The following NOX3 variants were observed in gnomAD, a reference collection of about 807,000 sequenced individuals.
NOX3 encodes NADPH oxidase 3.
NOX3 carries 74 observed loss-of-function variants against 76.7 expected under a neutral mutation model. The observed-to-expected ratio is 0.96, with a 90% confidence interval of 0.80 to 1.17. NOX3 has a LOEUF of 1.17. NOX3 is among the 50% of genes most tolerant of loss of function. The probability of loss-of-function intolerance (pLI) is 0.00; values close to 1 mark genes in which losing one functional copy is unlikely to be tolerated. For synonymous variants in NOX3, 263 were observed against 261.1 expected, an observed-to-expected ratio of 1.01 and a Z score of -0.07; for missense variants, 695 against 703.3, an observed-to-expected ratio of 0.99 and a Z score of 0.13.
At chr6:155,443,182 T>C (rs1582946004) in intron 5 of NOX3, 91 bp downstream of exon 5, 1 of 1,275,350 alleles carries the variant, frequency 7.8e-7, no homozygotes, top group East Asian at 2.7e-5. Flanking sequence ...AGCTCTTTTA[T>C]TAAAAGCTTT....
chr6:155,425,054 T>A (rs188794860), intron 9 of NOX3, among the ~76,000 whole-genome samples: 1 of 152,364 alleles, frequency 6.6e-6, no homozygotes, highest in East Asian at 1.9e-4. Context: ...GAGATGCTCA[T>A]ATACCTATGT....
chr6:155,411,424 C>T, intron 10 of NOX3, 64 bp from the exon 11 acceptor site: 2 of 1,435,166 alleles, frequency 1.4e-6, no homozygotes, highest in Non-Finnish European at 1.9e-6. Context: ...TAATCACAGA[C>T]TACTTTATCT....
chr6:155,397,006 CA>C, intron 12 of NOX3, 44 bp from the exon 13 acceptor site: 1 of 1,559,324 alleles, frequency 6.4e-7, no homozygotes, highest in South Asian at 1.2e-5. Context: ...CACCAGGAGG[CA>C]AGGCCAGCCA....
intron 4 of NOX3, among the ~76,000 whole-genome samples, chr6:155,449,929 A>G (rs2114709725): frequency 6.6e-6 from 1 of 152,368 alleles, no homozygotes; most frequent in East Asian, 1.9e-4. Flanking sequence ...TTTGCATGAA[A>G]CCAAGGCTTA....
chr6:155,431,839 C>T lies in NOX3; in HGVS notation c.799-904G>A, dbSNP rs562346607. Among the ~76,000 whole-genome samples, 33 of 152,292 alleles carry T rather than the reference C, an allele frequency of 2.2e-4. No individual in the cohort carries two copies. In the South Asian group the frequency reaches 6.2e-3, roughly 29 times the overall value. On this transcript the variant is annotated intron_variant, in intron 7 of 13. Transcript: ENST00000159060. ...AGGTCATAAAGGGACGAAGGTGTTT[C>T]GTAGAGATGTGAACTCAGGTATGCC... is the stretch of plus-strand genomic sequence containing the variant.
rs565507207 is a variant in NOX3, at chr6:155,453,507, AT to A, written c.256-20del. ...TGCAGCACTAGAGTAACAAAAAAAT[AT>A]GCCTGATTTATGGAAAAATTGCAGT... On this transcript the variant is annotated intron_variant, in intron 3 of 13. Transcript: ENST00000159060. The A allele has an allele frequency of 5.8e-5, 91 of 1,580,016 alleles. No homozygotes were observed. In the African/African-American group the frequency reaches 1.2e-3, roughly 20 times the overall value.
intron 12 of NOX3, among the ~76,000 whole-genome samples, chr6:155,399,085 T>A (rs1340550181): frequency 6.6e-6 from 1 of 152,186 alleles, no homozygotes; most frequent in African/African-American, 2.4e-5. Context: ...CTGAAACATT[T>A]TGAATGGTAG....
At chr6:155,443,212 T>A in intron 5 of NOX3, 61 bp downstream of exon 5, 3 of 1,541,248 alleles carry the variant, frequency 1.9e-6, no homozygotes, top group Non-Finnish European at 2.7e-6. Context: ...CGTTCCTGAT[T>A]AGAGGACTGG....
At chr6:155,439,075 C>T (rs910363527) in intron 6 of NOX3, among the ~76,000 whole-genome samples, 2 of 152,220 alleles carry the variant, frequency 1.3e-5, no homozygotes, top group Non-Finnish European at 2.9e-5. Flanking sequence ...GAGGGCATCA[C>T]TTAACCCTCA....
intron 10 of NOX3, among the ~76,000 whole-genome samples, chr6:155,421,038 G>A (rs1361269160): frequency 6.6e-6 from 1 of 152,116 alleles, no homozygotes; most frequent in African/African-American, 2.4e-5. Context: ...TTTCAGTCAG[G>A]GTGGAATCAG....
intron 10 of NOX3, among the ~76,000 whole-genome samples, chr6:155,422,161 C>T (rs1227129105): frequency 2.0e-5 from 3 of 152,010 alleles, no homozygotes; most frequent in Non-Finnish European, 2.9e-5. Flanking sequence ...TGTCTAGATA[C>T]GACAAAGGAC....
intron 4 of NOX3, among the ~76,000 whole-genome samples, chr6:155,445,969 A>ATATAAT (rs1380551108): frequency 4.1e-5 from 4 of 96,660 alleles, no homozygotes; most frequent in African/African-American, 1.3e-4. Flanking sequence ...ATATATATAT[A>ATATAAT]ATATATATAT....
chr6:155,453,504 A>C lies in NOX3; in HGVS notation c.256-16T>G. 3.2e-6 allele frequency: 5 copies of C among 1,585,774 alleles called. No individual in the cohort carries two copies. The highest frequency in any genetic ancestry group is 4.3e-6 in the Non-Finnish European group (5 of 1,154,460). Reference sequence around the variant, plus strand: ...CTCTGCAGCACTAGAGTAACAAAAAAATATGCCTGATTTATGGAAAAATTG... The same window carrying C: ...CTCTGCAGCACTAGAGTAACAAAAACATATGCCTGATTTATGGAAAAATTG... On this transcript the variant is annotated splice_polypyrimidine_tract_variant and intron_variant, in intron 3 of 13. Coordinates refer to ENST00000159060, the MANE Select transcript of NOX3 (RefSeq NM_015718.3).
chr6:155,428,642 A>G (rs769101801), intron 9 of NOX3, 152 bp downstream of exon 9: 43 of 622,120 alleles, frequency 6.9e-5, no homozygotes, highest in Middle Eastern at 4.9e-4. Context: ...AGTCTACAAA[A>G]TTATACTTTT....
chr6:155,427,953 T>G (rs1200262134), intron 9 of NOX3, among the ~76,000 whole-genome samples: 1 of 152,150 alleles, frequency 6.6e-6, no homozygotes, highest in Non-Finnish European at 1.5e-5. Flanking sequence ...CAGGCTGGAG[T>G]GCAGTGGCGC....
intron 9 of NOX3, among the ~76,000 whole-genome samples, chr6:155,428,177 A>T (rs1003819969): frequency 6.6e-6 from 1 of 152,268 alleles, no homozygotes; most frequent in Non-Finnish European, 1.5e-5. Flanking sequence ...CTCGGATAAC[A>T]GGCGTGAGCC....
chr6:155,419,247 T>C (rs541971822), intron 10 of NOX3, among the ~76,000 whole-genome samples: 1 of 152,222 alleles, frequency 6.6e-6, no homozygotes, highest in Non-Finnish European at 1.5e-5. Flanking sequence ...CCTGTTCTCA[T>C]GCCTGCAGAC....
chr6:155,397,108 T>C (rs902191330), intron 12 of NOX3, 146 bp from the exon 13 acceptor site: 3 of 684,542 alleles, frequency 4.4e-6, no homozygotes, highest in Non-Finnish European at 6.7e-6. Context: ...AGATTCTTTT[T>C]TTCTACCTAC....
At chr6:155,454,151 C>G (rs1442831203) in intron 3 of NOX3, among the ~76,000 whole-genome samples, 1 of 152,090 alleles carries the variant, frequency 6.6e-6, no homozygotes, top group East Asian at 1.9e-4. Context: ...AAAAATGGCG[C>G]TAGTATACTT....
Sources: allele counts gnomAD v4.1 joint callset (sites outside exome capture counted in the v4.1 genomes callset), GRCh38; gene constraint gnomAD v4.1.1; transcripts MANE v1.5; gene names NCBI Gene and HGNC (gene_info 2026-07-23, HGNC 2026-07-21).